Variants in TENM1 observed in about 807,000 individuals in gnomAD.
TENM1 encodes the protein teneurin-1.
TENM1 carries 35 observed loss-of-function variants against 174.8 expected under a neutral mutation model. The ratio of observed to expected loss-of-function variants is 0.20; its 90% CI spans 0.15 to 0.27. The LOEUF is 0.27. Among genes scored for constraint, TENM1 ranks in the 10% least tolerant of loss-of-function variants. The probability of loss-of-function intolerance (pLI) is 1.00; values close to 1 mark genes in which losing one functional copy is unlikely to be tolerated. For synonymous variants in TENM1, 781 were observed against 798.7 expected, an observed-to-expected ratio of 0.98 and a Z score of 0.37; for missense variants, 1,633 against 2,130.1, an observed-to-expected ratio of 0.77 and a Z score of 4.59.
chrX:124,875,210 T>G (rs771732912), intron 3 of TENM1, among the ~76,000 whole-genome samples: 12 of 111,193 alleles, frequency 1.1e-4, no homozygotes, highest in South Asian at 3.8e-4. Flanking sequence ...ATTATGATTT[T>G]TGTGTGTGTG....
the TENM1 span, among the ~76,000 whole-genome samples, chrX:125,016,010 A>C: frequency 9.0e-6 from 1 of 111,506 alleles, no homozygotes; most frequent in Non-Finnish European, 1.9e-5. Context: ...GAATGTTCTA[A>C]AATTTGTGTT....
intron 11 of TENM1, among the ~76,000 whole-genome samples, chrX:124,582,717 T>C (rs2858404): frequency 0.43 from 47,174 of 110,490 alleles, 8,295 homozygotes; most frequent in East Asian, 0.81. Flanking sequence ...GTGTGCGAGC[T>C]GAAGCAGGGC....
intron 5 of TENM1, among the ~76,000 whole-genome samples, chrX:124,675,794 G>C: frequency 9.1e-6 from 1 of 109,817 alleles, no homozygotes; most frequent in Middle Eastern, 4.7e-3. Context: ...GATAACGTTG[G>C]GTAGTTATAA....
At chrX:125,189,288 A>ATCTCTC in the TENM1 span, among the ~76,000 whole-genome samples, 2 of 111,754 alleles carry the variant, frequency 1.8e-5, no homozygotes, top group African/African-American at 6.5e-5. Context: ...CTCACCCTTT[A>ATCTCTC]TCTCTCTATT....
intron 1 of TENM1, among the ~76,000 whole-genome samples, chrX:124,902,952 T>C (rs1457565522): frequency 8.9e-6 from 1 of 112,120 alleles, no homozygotes; most frequent in Admixed American, 9.5e-5. Context: ...CCCCTAATGA[T>C]AACAAGGTAA....
the TENM1 span, among the ~76,000 whole-genome samples, chrX:124,972,887 CTTAG>C: frequency 1.8e-5 from 2 of 111,752 alleles, no homozygotes; most frequent in African/African-American, 6.5e-5. Flanking sequence ...TTTGTGCCAT[CTTAG>C]TTTGTTTTGT....
the TENM1 span, among the ~76,000 whole-genome samples, chrX:125,102,625 A>C: frequency 8.9e-6 from 1 of 112,097 alleles, no homozygotes; most frequent in Non-Finnish European, 1.9e-5. Flanking sequence ...AATCAAACCC[A>C]AAGCCAATTG....
chrX:125,026,194 G>A, the TENM1 span, among the ~76,000 whole-genome samples: 1 of 92,268 alleles, frequency 1.1e-5, no homozygotes, highest in African/African-American at 4.9e-5. Flanking sequence ...AGGAGAAAAG[G>A]CAAAGGAAAA....
intron 3 of TENM1, among the ~76,000 whole-genome samples, chrX:124,737,414 A>T (rs943051068): frequency 8.9e-6 from 1 of 111,942 alleles, no homozygotes; most frequent in Non-Finnish European, 1.9e-5. Flanking sequence ...TTGCATTTAC[A>T]TGTAAATTCT....
intron 3 of TENM1, among the ~76,000 whole-genome samples, chrX:124,804,830 T>G (rs1312135353): frequency 8.9e-6 from 1 of 112,054 alleles, no homozygotes; most frequent in South Asian, 3.7e-4. Flanking sequence ...GTGCTTGGTA[T>G]CCTCAGTGTT....
intron 8 of TENM1, among the ~76,000 whole-genome samples, chrX:124,648,404 G>A (rs758653926): frequency 3.6e-5 from 4 of 111,879 alleles, no homozygotes; most frequent in Non-Finnish European, 7.5e-5. Context: ...TGCCTTTTGC[G>A]GGTTTATGCC....
At chrX:124,581,669 G>A (rs2049315263) in intron 11 of TENM1, among the ~76,000 whole-genome samples, 1 of 110,523 alleles carries the variant, frequency 9.0e-6, no homozygotes, top group South Asian at 4.0e-4. Flanking sequence ...GTGGATAAGT[G>A]TTCCTTTTTC....
At chrX:125,199,526 A>G in the TENM1 span, among the ~76,000 whole-genome samples, 1 of 112,280 alleles carries the variant, frequency 8.9e-6, no homozygotes, top group Non-Finnish European at 1.9e-5. Context: ...CATTAAAAAC[A>G]TCATCCAAGA....
chrX:125,001,535 A>G, the TENM1 span, among the ~76,000 whole-genome samples: 2 of 111,482 alleles, frequency 1.8e-5, no homozygotes, highest in African/African-American at 3.3e-5. Flanking sequence ...TCTTCAACAG[A>G]CATGATAGTC....
the TENM1 span, among the ~76,000 whole-genome samples, chrX:125,179,161 A>G: frequency 1.8e-5 from 2 of 111,704 alleles, no homozygotes; most frequent in South Asian, 3.8e-4. Context: ...ACAGGTATAA[A>G]ATGGAATCCA....
At chrX:124,515,454 GA>G (rs2047681295) in intron 18 of TENM1, among the ~76,000 whole-genome samples, 1 of 111,651 alleles carries the variant, frequency 9.0e-6, no homozygotes, top group Non-Finnish European at 1.9e-5. Flanking sequence ...AATCCCCATA[GA>G]TTTGGTCCCA....
chrX:124,493,866 T>C (rs952283196), intron 20 of TENM1, among the ~76,000 whole-genome samples: 1 of 111,813 alleles, frequency 8.9e-6, no homozygotes, highest in African/African-American at 3.2e-5. Context: ...TTGTCTTTAT[T>C]ATAAAGTCTT....
intron 3 of TENM1, among the ~76,000 whole-genome samples, chrX:124,766,567 A>G (rs181325894): frequency 1.1e-3 from 121 of 111,609 alleles, no homozygotes; most frequent in African/African-American, 3.8e-3. Flanking sequence ...TGTGCCACCA[A>G]AATGTCCACA....
intron 11 of TENM1, among the ~76,000 whole-genome samples, chrX:124,576,970 C>T (rs979783498): frequency 8.9e-6 from 1 of 111,906 alleles, no homozygotes; most frequent in Non-Finnish European, 1.9e-5. Flanking sequence ...TTCAAATACA[C>T]GTCTAAGTCC....
Sources: allele counts gnomAD v4.1 joint callset (sites outside exome capture counted in the v4.1 genomes callset), GRCh38; gene constraint gnomAD v4.1.1; transcripts MANE v1.5; gene names NCBI Gene and HGNC (gene_info 2026-07-23, HGNC 2026-07-21).